Variants in NEK4 observed in about 807,000 individuals in gnomAD.
NEK4 encodes NIMA related kinase 4.
Under a neutral mutation model 98.4 loss-of-function variants are expected in NEK4, and 86 were observed. The observed-to-expected ratio is 0.87, with a 90% CI of 0.73 to 1.05. NEK4 has a LOEUF of 1.05. Among genes scored for constraint, NEK4 ranks in the 50% least tolerant of loss-of-function variants. The pLI is 0.00. For synonymous variants in NEK4, 328 were observed against 342.2 expected (o/e 0.96, Z 0.46); for missense variants, 898 against 950.3 (o/e 0.94, Z 0.72).
chr3:52,715,345 T>C (rs2097354201), intron 15 of NEK4, among the ~76,000 whole-genome samples: 1 of 152,184 alleles, frequency 6.6e-6, no homozygotes, highest in Non-Finnish European at 1.5e-5. Flanking sequence ...CGAGACACCC[T>C]GTCTATGGAA....
intron 15 of NEK4, chr3:52,737,353 T>A: frequency 2.4e-6 from 1 of 419,828 alleles, no homozygotes; most frequent in Non-Finnish European, 4.2e-6. Flanking sequence ...GACTTCAGAT[T>A]TGGCAGTGCG....
At chr3:52,716,048 G>A (rs1465023619) in intron 15 of NEK4, among the ~76,000 whole-genome samples, 1 of 152,210 alleles carries the variant, frequency 6.6e-6, no homozygotes, top group African/African-American at 2.4e-5. Flanking sequence ...CAGAGGACCA[G>A]TACCCATGCC....
rs1355587314 is a variant in NEK4, at chr3:52,770,770, G to A, written c.-24C>T. The A allele has an allele frequency of 6.5e-7, 1 of 1,545,828 alleles. No individual in the cohort carries two copies. Among genetic ancestry groups the A allele is most frequent in the Admixed American group, 1.9e-5 (1 of 51,370 alleles). ...ATGTTCCCAGCGCTGGCCCAGAGTC[G>A]GGATGCGGCGGCAGCGGCGGGTAGG... On this transcript the variant is annotated 5_prime_UTR_variant, in exon 1 of 16. Coordinates refer to ENST00000233027, the MANE Select transcript of NEK4 (RefSeq NM_003157.6).
At chr3:52,739,735 A>G (rs2097382664) in intron 13 of NEK4, 101 bp from the exon 14 acceptor site, 1 of 969,942 alleles carries the variant, frequency 1.0e-6, no homozygotes, top group Non-Finnish European at 1.6e-6. Flanking sequence ...ATCCTTTGAA[A>G]TGTCCAAGTA....
At chr3:52,714,765 G>T (rs896880899) in intron 15 of NEK4, among the ~76,000 whole-genome samples, 5 of 152,216 alleles carry the variant, frequency 3.3e-5, no homozygotes, top group African/African-American at 1.2e-4. Flanking sequence ...AGGCTCGGGG[G>T]TGTCTGTTCC....
intron 9 of NEK4, 68 bp downstream of exon 9, chr3:52,746,666 G>T: frequency 1.4e-6 from 2 of 1,409,332 alleles, no homozygotes; most frequent in Non-Finnish European, 1.9e-6. Flanking sequence ...TTTGGCAATT[G>T]TTAATTGCTC....
chr3:52,734,295 C>T (rs866400164), intron 15 of NEK4, among the ~76,000 whole-genome samples: 1 of 151,834 alleles, frequency 6.6e-6, no homozygotes, highest in Non-Finnish European at 1.5e-5. Flanking sequence ...ACTAAATATA[C>T]AACAATTAGC....
At chr3:52,752,895 T>C (rs2097407725) in intron 6 of NEK4, among the ~76,000 whole-genome samples, 1 of 58,402 alleles carries the variant, frequency 1.7e-5, no homozygotes, top group African/African-American at 7.5e-5. Context: ...AGTGAAACCC[T>C]GCCTCAAAAA....
intron 1 of NEK4, 22 bp downstream of exon 1, chr3:52,770,632 G>GCCCGGCCCCCCCCCATT: frequency 8.6e-7 from 1 of 1,156,988 alleles, no homozygotes; most frequent in Non-Finnish European, 1.3e-6. Flanking sequence ...CCCGCCCCTT[G>GCCCGGCCCCCCCCCATT]CCGGGCCCCA....
intron 8 of NEK4, among the ~76,000 whole-genome samples, chr3:52,748,084 C>A (rs569776946): frequency 6.6e-6 from 1 of 151,748 alleles, no homozygotes; most frequent in Non-Finnish European, 1.5e-5. Context: ...CTCAGCCTCC[C>A]GAGTAGCTGG....
chr3:52,719,167 C>T (rs1280976425), intron 15 of NEK4, among the ~76,000 whole-genome samples: 9 of 152,216 alleles, frequency 5.9e-5, no homozygotes, highest in Admixed American at 4.6e-4. Flanking sequence ...TCACTTTATA[C>T]CAGACCTTGC....
intron 13 of NEK4, among the ~76,000 whole-genome samples, 192 bp downstream of exon 13, chr3:52,741,219 A>G (rs1266865856): frequency 2.0e-5 from 3 of 148,226 alleles, no homozygotes; most frequent in Non-Finnish European, 4.5e-5. Context: ...CTGGGCAACA[A>G]GAGCGAAACT....
Position 52,768,420 on chromosome 3 carries a change from C to T in NEK4, c.278G>A (p.Arg93Gln), listed in dbSNP as rs375390104. 3.8e-5 allele frequency: 61 copies of T among 1,614,064 alleles called. No homozygotes were observed. Among genetic ancestry groups the T allele is most frequent in the South Asian group, 7.7e-5 (7 of 91,078 alleles). ...MGFCEGGDLY[R>Q]KLKEQKGQLL... ...CTGCCCTTTCTGCTCCTTGAGCTTT[C>T]GGTACAAATCACCTCCTTCACAGAA... The change falls in exon 2 of 16, where the codon CGA becomes CAA. Residue 93 changes from arginine to glutamine, a missense_variant. Coordinates refer to ENST00000233027, the MANE Select transcript of NEK4 (RefSeq NM_003157.6).
At chr3:52,729,125 G>A (rs1473503257) in intron 15 of NEK4, among the ~76,000 whole-genome samples, 1 of 152,118 alleles carries the variant, frequency 6.6e-6, no homozygotes, top group Non-Finnish European at 1.5e-5. Flanking sequence ...TGAAGCATGT[G>A]ATCTTTGTGA....
chr3:52,743,302 C>T, intron 12 of NEK4, 50 bp downstream of exon 12: 1 of 1,432,100 alleles, frequency 7.0e-7, no homozygotes, highest in Non-Finnish European at 9.8e-7. Context: ...CTGCATTAGG[C>T]CTGCCAGATG....
At chr3:52,720,748 T>C (rs189186999) in intron 15 of NEK4, among the ~76,000 whole-genome samples, 135 of 152,294 alleles carry the variant, frequency 8.9e-4, no homozygotes, top group African/African-American at 3.1e-3. Flanking sequence ...CAGACCCACA[T>C]TACAGGAAAA....
chr3:52,727,673 G>A (rs995315919), intron 15 of NEK4, among the ~76,000 whole-genome samples: 2 of 152,126 alleles, frequency 1.3e-5, no homozygotes, highest in Non-Finnish European at 2.9e-5. Flanking sequence ...GGGTTTCACA[G>A]GTTGGACGGG....
chr3:52,725,117 A>C (rs72960240), intron 15 of NEK4, among the ~76,000 whole-genome samples: 8,387 of 152,302 alleles, frequency 0.055, 497 homozygotes, highest in African/African-American at 0.15. Context: ...CTAAAAGCTA[A>C]TATTACTGTA....
At chr3:52,733,247 C>T (rs1297290101) in intron 15 of NEK4, 2 of 270,758 alleles carry the variant, frequency 7.4e-6, no homozygotes, top group Non-Finnish European at 1.5e-5. Context: ...CCTTGCAGAT[C>T]ACTGGAGAAT....
Sources: allele counts gnomAD v4.1 joint callset (sites outside exome capture counted in the v4.1 genomes callset), GRCh38; gene constraint gnomAD v4.1.1; transcripts MANE v1.5; gene names NCBI Gene and HGNC (gene_info 2026-07-23, HGNC 2026-07-21).